The following CCDC12 variants were observed in gnomAD, a reference collection of about 807,000 sequenced individuals.
The protein encoded by CCDC12 is coiled-coil domain containing 12, also known as coiled-coil domain-containing protein 12.
CCDC12 carries 28 observed loss-of-function variants against 25.7 expected under a neutral mutation model. The observed-to-expected ratio is 1.09, with a 90% CI of 0.81 to 1.50. CCDC12 has a LOEUF of 1.50. Ranked by LOEUF, CCDC12 falls within the 40% of genes most tolerant of loss-of-function variation. The pLI is 0.00. For synonymous variants in CCDC12, 75 were observed against 87.7 expected (o/e 0.86, Z 0.81); for missense variants, 198 against 210.0 (o/e 0.94, Z 0.35).
intron 1 of CCDC12, among the ~76,000 whole-genome samples, chr3:46,967,609 G>C (rs967367915): frequency 6.6e-6 from 1 of 152,124 alleles, no homozygotes; most frequent in African/African-American, 2.4e-5. Flanking sequence ...ACATTCCCAA[G>C]TTCCTGGGAC....
intron 1 of CCDC12, among the ~76,000 whole-genome samples, chr3:46,960,885 T>C (rs2034442820): frequency 1.3e-5 from 2 of 152,000 alleles, no homozygotes; most frequent in Admixed American, 1.3e-4. Flanking sequence ...GTGGTGCTGC[T>C]TATGTGTGTT....
chr3:46,954,193 G>A (rs1031857892), intron 1 of CCDC12, among the ~76,000 whole-genome samples: 2 of 152,146 alleles, frequency 1.3e-5, no homozygotes, highest in African/African-American at 4.8e-5. Flanking sequence ...TGGTCCTGAG[G>A]ACATGTGGCT....
chr3:46,936,794 C>G (rs1351000176), intron 2 of CCDC12, among the ~76,000 whole-genome samples: 4 of 152,192 alleles, frequency 2.6e-5, no homozygotes, highest in African/African-American at 9.7e-5. Flanking sequence ...GCAGGGGACA[C>G]TGAGTGACCT....
At chr3:46,979,836 C>T (rs1391801969), upstream of CCDC12, 17 of 425,954 alleles carry the variant, frequency 4.0e-5, no homozygotes. Flanking sequence ...AGGTGGCGCG[C>T]AGCAGGGCCG....
At chr3:46,933,329 T>G (rs1267634650) in intron 2 of CCDC12, among the ~76,000 whole-genome samples, 1 of 151,950 alleles carries the variant, frequency 6.6e-6, no homozygotes, top group Non-Finnish European at 1.5e-5. Flanking sequence ...GCCCTTGCCT[T>G]AAAAACAAGG....
At chr3:46,930,627 C>A (rs2033167064) in intron 2 of CCDC12, among the ~76,000 whole-genome samples, 1 of 152,244 alleles carries the variant, frequency 6.6e-6, no homozygotes, top group South Asian at 2.1e-4. Flanking sequence ...AGTGCCTCCA[C>A]TGGCCCTCCC....
intron 2 of CCDC12, among the ~76,000 whole-genome samples, chr3:46,926,256 C>T (rs186002056): frequency 9.4e-4 from 143 of 152,258 alleles, no homozygotes; most frequent in African/African-American, 3.2e-3. Context: ...ATGACGCGGA[C>T]AGGGTCAAGG....
intron 1 of CCDC12, chr3:46,975,919 CACT>C (rs2034970318): frequency 6.9e-6 from 1 of 144,222 alleles, no homozygotes. Flanking sequence ...GATCTCGGCT[CACT>C]ACAACCTCTG....
intron 2 of CCDC12, 38 bp from the exon 3 acceptor site, chr3:46,925,573 T>C (rs1348516421): frequency 6.9e-7 from 1 of 1,454,164 alleles, no homozygotes; most frequent in Non-Finnish European, 9.4e-7. Flanking sequence ...ATGAAGTCAG[T>C]GTGTGACATG....
chr3:46,976,483 T>C, intron 1 of CCDC12, 154 bp downstream of exon 1: 2 of 1,435,432 alleles, frequency 1.4e-6, no homozygotes, highest in Non-Finnish European at 1.8e-6. Flanking sequence ...CCAGACATCG[T>C]GGGAGGGCGC....
intron 1 of CCDC12, among the ~76,000 whole-genome samples, chr3:46,950,450 T>C (rs1226361170): frequency 1.3e-5 from 2 of 150,688 alleles, no homozygotes; most frequent in Non-Finnish European, 2.9e-5. Flanking sequence ...TAGGAGTAGC[T>C]AGGACTACAG....
chr3:46,935,829 G>A (rs766462031), intron 2 of CCDC12, among the ~76,000 whole-genome samples: 26 of 152,206 alleles, frequency 1.7e-4, no homozygotes, highest in Non-Finnish European at 3.2e-4. Flanking sequence ...GGATAGGACA[G>A]GATTTATCCT....
At chr3:46,937,247 T>G (rs1332570023) in intron 2 of CCDC12, among the ~76,000 whole-genome samples, 4 of 152,204 alleles carry the variant, frequency 2.6e-5, no homozygotes, top group Non-Finnish European at 5.9e-5. Context: ...CCTTTCACAC[T>G]GCAGATTCAT....
chr3:46,961,075 G>C (rs1207355052), intron 1 of CCDC12, among the ~76,000 whole-genome samples: 1 of 151,816 alleles, frequency 6.6e-6, no homozygotes, highest in East Asian at 1.9e-4. Context: ...GTGTGTGGTG[G>C]TGTTGTGAGG....
At chr3:46,979,564 T>G, upstream of CCDC12, 8 of 230,000 alleles carry the variant, frequency 3.5e-5, no homozygotes, top group East Asian at 2.4e-4. Context: ...GCCCGGCCCA[T>G]AGGCCCCTCC....
chr3:46,967,865 T>G (rs575334816), intron 1 of CCDC12, among the ~76,000 whole-genome samples: 38 of 152,128 alleles, frequency 2.5e-4, no homozygotes, highest in Non-Finnish European at 4.4e-4. Context: ...TGATCAGAGA[T>G]GTCCAGAAAA....
chr3:46,961,056 G>C (rs1262543238), intron 1 of CCDC12, among the ~76,000 whole-genome samples: 8 of 151,732 alleles, frequency 5.3e-5, no homozygotes, highest in Non-Finnish European at 1.2e-4. Context: ...GTGTGGGGTA[G>C]GGCCTGGGGT....
chr3:46,976,693 C>T lies in CCDC12; in HGVS notation c.40G>A (p.Glu14Lys), dbSNP rs745879535. 2 of 1,606,418 alleles carry T rather than the reference C, an allele frequency of 1.2e-6. No homozygotes were observed. The highest frequency in any genetic ancestry group is 1.1e-5 in the South Asian group (1 of 89,830). The change falls in exon 1 of 7, where the codon GAG becomes AAG. Residue 14 changes from glutamate (E) to lysine (K), a missense_variant. Transcript: ENST00000683445. ...AGCCGTTCCTTTCGCCGCAACGCCT[C>T]TTCCTCTAGCCGGCCCACACCAGCC... ...TTAGVGRLEE[E>K]ALRRKERLKA... is the part of the protein sequence containing the mutation.
intron 1 of CCDC12, among the ~76,000 whole-genome samples, chr3:46,973,291 T>C (rs1480117298): frequency 6.7e-6 from 1 of 148,586 alleles, no homozygotes; most frequent in Non-Finnish European, 1.5e-5. Context: ...AGGTGGAAGT[T>C]GCAGTGAGCT....
Sources: allele counts gnomAD v4.1 joint callset (sites outside exome capture counted in the v4.1 genomes callset), GRCh38; gene constraint gnomAD v4.1.1; transcripts MANE v1.5; gene names NCBI Gene and HGNC (gene_info 2026-07-23, HGNC 2026-07-21).